Variants in MTFR1 observed in about 807,000 individuals in gnomAD.
The protein encoded by MTFR1 is chondrocyte protein with a poly-proline region.
In MTFR1, 28 loss-of-function variants were observed where a neutral mutation model predicts 38.8. The ratio of observed to expected loss-of-function variants is 0.72; its 90% confidence interval spans 0.53 to 0.99. MTFR1 has a LOEUF of 0.99. MTFR1 is among the 50% of genes least tolerant of loss of function. The probability of loss-of-function intolerance (pLI) is 0.00; values close to 1 mark genes in which losing one functional copy is unlikely to be tolerated. For synonymous variants in MTFR1, 145 were observed against 137.0 expected (o/e 1.06, Z -0.41); for missense variants, 358 against 395.5 (o/e 0.91, Z 0.81).
intron 3 of MTFR1, among the ~76,000 whole-genome samples, chr8:65,730,802 C>G: frequency 6.6e-6 from 1 of 152,076 alleles, no homozygotes; most frequent in East Asian, 1.9e-4. Context: ...GTGGCACATG[C>G]CTATCAGCTA....
At chr8:65,721,677 C>A (rs1585821234) in intron 3 of MTFR1, 1 of 152,050 alleles carries the variant, frequency 6.6e-6, no homozygotes, top group African/African-American at 2.4e-5. Flanking sequence ...TTTTAAATCT[C>A]ATTTGCAAGT....
At chr8:65,645,652 A>C (rs1585733842) in intron 1 of MTFR1, among the ~76,000 whole-genome samples, 12 of 111,292 alleles carry the variant, frequency 1.1e-4, no homozygotes, top group South Asian at 3.3e-4. Context: ...CAGCCTCCCC[A>C]CTAGCTGGGA....
rs551471575 is a variant in MTFR1 at position 65,700,349 on chromosome 8, T to TA, written c.282-4328dup. On this transcript the variant is annotated intron_variant, in intron 4 of 7. Transcript: ENST00000262146. ...CTCAGCAATGGATCGAGACCTATCT[T>TA]AAAAAAAAAAAAAAAAAGAAAAAAG... 6.6e-3 allele frequency among the ~76,000 whole-genome samples: 708 copies of TA among 106,724 alleles called. 4 individuals are homozygous for TA. Among genetic ancestry groups the TA allele is most frequent in the African/African-American group, 0.013 (365 of 28,506 alleles). 70.0% of individuals were successfully genotyped at this position (106,724 alleles called of 152,430 possible). A position where few individuals can be genotyped will look rare whatever the true frequency, so the allele number is the denominator to read the frequency against.
At chr8:65,669,103 G>A (rs1804484103) in intron 1 of MTFR1, among the ~76,000 whole-genome samples, 1 of 152,154 alleles carries the variant, frequency 6.6e-6, no homozygotes, top group South Asian at 2.1e-4. Context: ...TTTTTGGTGG[G>A]AAGCTTAACC....
At chr8:65,747,678 C>T in intron 3 of MTFR1, 3 of 1,609,768 alleles carry the variant, frequency 1.9e-6, no homozygotes, top group Non-Finnish European at 2.5e-6. Flanking sequence ...TAATCATCAT[C>T]TAAAATGTTT....
At chr8:65,645,653 C>T (rs1437892894) in intron 1 of MTFR1, among the ~76,000 whole-genome samples, 1 of 148,416 alleles carries the variant, frequency 6.7e-6, no homozygotes, top group Non-Finnish European at 1.5e-5. Context: ...AGCCTCCCCA[C>T]TAGCTGGGAC....
At chr8:65,727,005 T>C in intron 3 of MTFR1, 1 of 1,180,176 alleles carries the variant, frequency 8.5e-7, no homozygotes, top group Non-Finnish European at 1.3e-6. Context: ...TAATGATACG[T>C]CTCTTTCTGG....
intron 4 of MTFR1, among the ~76,000 whole-genome samples, chr8:65,697,302 C>T (rs1805476180): frequency 6.6e-6 from 1 of 152,102 alleles, no homozygotes; most frequent in African/African-American, 2.4e-5. Context: ...GGTGTCTCTC[C>T]AAGTCGGAAT....
At chr8:65,702,289 C>T (rs151295261) in intron 4 of MTFR1, among the ~76,000 whole-genome samples, 3 of 136,366 alleles carry the variant, frequency 2.2e-5, no homozygotes, top group Non-Finnish European at 3.2e-5. Context: ...TCTTTTCTTT[C>T]TTTCTTTCTT....
chr8:65,693,381 G>A (rs957144999), intron 3 of MTFR1, among the ~76,000 whole-genome samples: 1 of 151,156 alleles, frequency 6.6e-6, no homozygotes, highest in African/African-American at 2.4e-5. Context: ...CAGCCTGGGC[G>A]ACAGAGCTAG....
At chr8:65,688,121 C>G (rs540297593) in intron 3 of MTFR1, among the ~76,000 whole-genome samples, 8 of 145,952 alleles carry the variant, frequency 5.5e-5, no homozygotes, top group African/African-American at 1.8e-4. Context: ...AAAAAACAGG[C>G]CGGGCATGGT....
At chr8:65,663,770 T>TC (rs1232831423) in intron 1 of MTFR1, among the ~76,000 whole-genome samples, 2 of 145,904 alleles carry the variant, frequency 1.4e-5, no homozygotes, top group African/African-American at 5.0e-5. Flanking sequence ...CCCTTCCCCT[T>TC]CCCCTCCCCT....
At chr8:65,727,496 C>T (rs1422325680) in intron 3 of MTFR1, 6 of 607,186 alleles carry the variant, frequency 9.9e-6, no homozygotes, top group Non-Finnish European at 1.6e-5. Context: ...ACTGGCAAAG[C>T]CATGATACAA....
At chr8:65,685,326 A>G (rs1316171346) in intron 3 of MTFR1, among the ~76,000 whole-genome samples, 1 of 152,210 alleles carries the variant, frequency 6.6e-6, no homozygotes, top group East Asian at 1.9e-4. Context: ...ACCATATCCA[A>G]GGTGAAGTGG....
intron 2 of MTFR1, among the ~76,000 whole-genome samples, chr8:65,681,465 A>T (rs1804886045): frequency 6.6e-6 from 1 of 152,226 alleles, no homozygotes; most frequent in Non-Finnish European, 1.5e-5. Flanking sequence ...TATAATAGTC[A>T]TATAATTCTT....
rs1463475350 is a variant in MTFR1, at chr8:65,707,929, A to C, written c.851A>C (p.Tyr284Ser). 1.9e-6 allele frequency: 3 copies of C among 1,613,982 alleles called. No individual in the cohort carries two copies. Among genetic ancestry groups the C allele is most frequent in the Non-Finnish European group, 2.5e-6 (3 of 1,179,978 alleles). The change falls in exon 7 of 8, where the codon TAT (tyrosine) becomes TCT (serine). Residue 284 changes from tyrosine (Y) to serine (S), a missense_variant. Physicochemically the swap from Tyr to Ser is moderately radical, Grantham distance 144. Coordinates refer to ENST00000262146, the MANE Select transcript of MTFR1 (RefSeq NM_014637.4). ...GAGGCTCTGAAAAAGAAATTTGCTTATCGGTATCGAAGTGATAGCCAAGAT... is the reference window on the plus strand; with the variant it reads ...GAGGCTCTGAAAAAGAAATTTGCTTCTCGGTATCGAAGTGATAGCCAAGAT... The part of the protein sequence containing the change: ...IAEALKKKFA[Y>S]RYRSDSQDEV...
chr8:65,714,301 C>A (rs1004676288), downstream of MTFR1: 8 of 151,360 alleles, frequency 5.3e-5, no homozygotes, highest in Admixed American at 6.6e-5. Flanking sequence ...AGTAATAAAT[C>A]GATAGCTAAA....
At chr8:65,719,636 T>C (rs1345311976) in intron 3 of MTFR1, 1 of 633,666 alleles carries the variant, frequency 1.6e-6, no homozygotes, top group Non-Finnish European at 2.8e-6. Flanking sequence ...TGTGTATGTG[T>C]AGGTGACAGA....
chr8:65,767,882 C>G (rs1424843269), intron 3 of MTFR1, among the ~76,000 whole-genome samples: 5 of 152,114 alleles, frequency 3.3e-5, no homozygotes, highest in Non-Finnish European at 7.4e-5. Context: ...TAATCCAACC[C>G]AAAAAGAGGG....
Sources: allele counts gnomAD v4.1 joint callset (sites outside exome capture counted in the v4.1 genomes callset), GRCh38; gene constraint gnomAD v4.1.1; transcripts MANE v1.5; gene names NCBI Gene and HGNC (gene_info 2026-07-23, HGNC 2026-07-21).